MEGF9: variants seen among roughly 807,000 people sequenced by gnomAD.
The protein encoded by MEGF9 is multiple EGF like domains 9.
MEGF9 carries 6 observed loss-of-function variants against 46.8 expected under a neutral mutation model. The ratio of observed to expected loss-of-function variants is 0.13; its 90% CI spans 0.07 to 0.25. MEGF9 has a LOEUF of 0.25. Ranked by LOEUF, MEGF9 falls within the 10% of genes least tolerant of loss-of-function variation. MEGF9 has a pLI of 1.00. For synonymous variants in MEGF9, 302 were observed against 330.7 expected, an observed-to-expected ratio of 0.91 and a Z score of 0.94; for missense variants, 683 against 792.4, an observed-to-expected ratio of 0.86 and a Z score of 1.66.
chr9:120,714,461 A>C lies in MEGF9; in HGVS notation c.-103T>G, dbSNP rs937199824. The C allele has an allele frequency of 9.6e-7, 1 of 1,039,762 alleles. No individual in the cohort carries two copies. The highest frequency in any genetic ancestry group is 1.2e-6 in the Non-Finnish European group (1 of 819,110). 64.4% of individuals were successfully genotyped at this position (1,039,762 alleles called of 1,614,324 possible). A position where few individuals can be genotyped will look rare whatever the true frequency, so the allele number is the denominator to read the frequency against. On this transcript the variant is annotated 5_prime_UTR_variant, in exon 1 of 6. Transcript: ENST00000373930. ...CACCGCCACCGGGCGCACCATCGCCACCTCCCTCTGACAGGCGGCCGGCCC... is the reference window on the plus strand; with the variant it reads ...CACCGCCACCGGGCGCACCATCGCCCCCTCCCTCTGACAGGCGGCCGGCCC...
At chr9:120,685,838 T>C (rs1471577885) in intron 1 of MEGF9, among the ~76,000 whole-genome samples, 1 of 152,140 alleles carries the variant, frequency 6.6e-6, no homozygotes, top group Non-Finnish European at 1.5e-5. Context: ...TATTGATGGA[T>C]AAAGAAAGAA....
chr9:120,690,529 C>A (rs1352847403), intron 1 of MEGF9, among the ~76,000 whole-genome samples: 1 of 152,168 alleles, frequency 6.6e-6, no homozygotes, highest in Non-Finnish European at 1.5e-5. Flanking sequence ...GGCAGCTTCT[C>A]TATCCTTTTT....
chr9:120,701,759 A>G (rs2043906005), intron 1 of MEGF9, among the ~76,000 whole-genome samples: 1 of 152,230 alleles, frequency 6.6e-6, no homozygotes, highest in African/African-American at 2.4e-5. Context: ...AATTACCTAG[A>G]CAAGGTGGGG....
At chr9:120,683,861 T>C (rs973204539) in intron 1 of MEGF9, among the ~76,000 whole-genome samples, 2 of 151,250 alleles carry the variant, frequency 1.3e-5, no homozygotes, top group Non-Finnish European at 2.9e-5. Context: ...ATCACTGCAC[T>C]CCAACATGGA....
At chr9:120,614,368 T>A (rs916626957) in intron 3 of MEGF9, among the ~76,000 whole-genome samples, 1 of 152,204 alleles carries the variant, frequency 6.6e-6, no homozygotes, top group Non-Finnish European at 1.5e-5. Flanking sequence ...TTCAAAAGTT[T>A]ATGTGAACAC....
rs370281228 is a variant in MEGF9, at chr9:120,695,603, CAAAAAAAAAAA to C, written c.601+18144_601+18154del. ...TGGGTGACAGTGTGAGACCCCATCT[CAAAAAAAAAAA>C]AAAAAAAAAAAAAAAGCAAATAATC... On this transcript the variant is annotated intron_variant, in intron 1 of 5. Transcript: ENST00000373930. Among the ~76,000 whole-genome samples, 138 of 18,698 alleles carry C rather than the reference CAAAAAAAAAAA, an allele frequency of 7.4e-3. 1 individual carries two copies. The highest frequency in any genetic ancestry group is 0.016 in the African/African-American group (136 of 8,278). 12.3% of individuals were successfully genotyped at this position (18,698 alleles called of 152,430 possible).
At chr9:120,703,785 C>A (rs1217152146) in intron 1 of MEGF9, among the ~76,000 whole-genome samples, 1 of 151,786 alleles carries the variant, frequency 6.6e-6, no homozygotes, top group Non-Finnish European at 1.5e-5. Context: ...CCAGCCTAAC[C>A]AATATGGTGA....
intron 2 of MEGF9, among the ~76,000 whole-genome samples, chr9:120,653,267 T>C (rs1263876444): frequency 6.6e-6 from 1 of 152,206 alleles, no homozygotes; most frequent in East Asian, 1.9e-4. Flanking sequence ...CTCCTAAGCC[T>C]TCCTTATAAA....
At chr9:120,647,527 A>C (rs1436330145) in intron 2 of MEGF9, among the ~76,000 whole-genome samples, 1 of 152,242 alleles carries the variant, frequency 6.6e-6, no homozygotes, top group Non-Finnish European at 1.5e-5. Flanking sequence ...ACCTTTAAAA[A>C]GTCTACTTTC....
chr9:120,653,342 C>T (rs1394798846), intron 2 of MEGF9, among the ~76,000 whole-genome samples: 7 of 151,722 alleles, frequency 4.6e-5, no homozygotes. Context: ...GACAAATTGC[C>T]TGACATTCTG....
chr9:120,685,760 T>C (rs939261998), intron 1 of MEGF9, among the ~76,000 whole-genome samples: 1 of 152,202 alleles, frequency 6.6e-6, no homozygotes, highest in African/African-American at 2.4e-5. Flanking sequence ...CTCGAAGAGA[T>C]ACTTGCACAA....
At chr9:120,680,445 C>CT (rs1182678616) in intron 1 of MEGF9, among the ~76,000 whole-genome samples, 3 of 152,140 alleles carry the variant, frequency 2.0e-5, no homozygotes, top group African/African-American at 4.8e-5. Flanking sequence ...AGCAGAAACT[C>CT]TTATTCTTTA....
intron 1 of MEGF9, among the ~76,000 whole-genome samples, chr9:120,686,947 T>TTG (rs59677137): frequency 0.016 from 2,481 of 150,728 alleles, 60 homozygotes; most frequent in African/African-American, 0.056. Context: ...ATAAAATAGT[T>TTG]TGTGTGTGTG....
At chr9:120,615,227 G>C (rs2043465973) in intron 3 of MEGF9, among the ~76,000 whole-genome samples, 1 of 150,066 alleles carries the variant, frequency 6.7e-6, no homozygotes, top group African/African-American at 2.4e-5. Flanking sequence ...CAACAAGAGT[G>C]AAACTCCTTT....
At chr9:120,653,189 G>A (rs754101145) in intron 2 of MEGF9, among the ~76,000 whole-genome samples, 5 of 152,038 alleles carry the variant, frequency 3.3e-5, no homozygotes, top group Admixed American at 6.6e-5. Context: ...TTCCATTTCT[G>A]TTCTAGTTTC....
intron 1 of MEGF9, among the ~76,000 whole-genome samples, chr9:120,679,627 A>G (rs1224981123): frequency 6.6e-6 from 1 of 151,762 alleles, no homozygotes; most frequent in African/African-American, 2.4e-5. Flanking sequence ...GTATAATTTA[A>G]AAAAAAAGAG....
chr9:120,689,714 T>C (rs2043839816), intron 1 of MEGF9, among the ~76,000 whole-genome samples: 1 of 152,150 alleles, frequency 6.6e-6, no homozygotes, highest in African/African-American at 2.4e-5. Flanking sequence ...TGTGTGCCAA[T>C]GAATTATCAT....
chr9:120,705,482 G>C (rs143209842), intron 1 of MEGF9, among the ~76,000 whole-genome samples: 1 of 150,374 alleles, frequency 6.7e-6, no homozygotes. Context: ...ATATGAGTGA[G>C]AGGAACGCAT....
chr9:120,675,488 G>A (rs966062855), intron 1 of MEGF9, among the ~76,000 whole-genome samples: 2 of 152,082 alleles, frequency 1.3e-5, no homozygotes, highest in Non-Finnish European at 2.9e-5. Flanking sequence ...AGCTATACAG[G>A]AGGCTAAAGT....
Sources: gnomAD v4.1 joint callset for allele counts (sites outside exome capture counted in the v4.1 genomes callset) on GRCh38, gnomAD v4.1.1 for gene constraint, MANE v1.5 for transcripts, NCBI Gene and HGNC (gene_info 2026-07-23, HGNC 2026-07-21) for gene names.